Variants in NLGN1 observed in about 807,000 individuals in gnomAD.
The protein encoded by NLGN1 is neuroligin 1, also known as neuroligin-1.
In NLGN1, 12 loss-of-function variants were observed where a neutral mutation model predicts 65.5. That is an observed-to-expected ratio of 0.18 (90% CI 0.12 to 0.30). NLGN1 has a LOEUF of 0.30. NLGN1 is among the 10% of genes least tolerant of loss of function. The pLI is 1.00. For missense variants in NLGN1, 750 were observed against 1,007.1 expected, an observed-to-expected ratio of 0.74 and a Z score of 3.46; for synonymous variants, 350 against 359.5, an observed-to-expected ratio of 0.97 and a Z score of 0.30.
intron 2 of NLGN1, among the ~76,000 whole-genome samples, chr3:173,528,476 T>G (rs1736019840): frequency 6.6e-6 from 1 of 152,232 alleles, no homozygotes; most frequent in Non-Finnish European, 1.5e-5. Context: ...TATCTGAATT[T>G]CTGCATCTCT....
At chr3:174,147,180 C>A (rs1261872693) in intron 4 of NLGN1, among the ~76,000 whole-genome samples, 4 of 151,974 alleles carry the variant, frequency 2.6e-5, no homozygotes. Flanking sequence ...ACAGCTAAGC[C>A]TAGATTACCC....
chr3:174,060,723 G>A (rs780186173), intron 4 of NLGN1, among the ~76,000 whole-genome samples: 19 of 152,016 alleles, frequency 1.2e-4, no homozygotes, highest in African/African-American at 3.6e-4. Flanking sequence ...ATGAGATTTC[G>A]AGGTGCTTTT....
At chr3:173,978,525 T>A (rs2152388094) in intron 4 of NLGN1, among the ~76,000 whole-genome samples, 1 of 152,084 alleles carries the variant, frequency 6.6e-6, no homozygotes, top group Non-Finnish European at 1.5e-5. Context: ...GCTTAGCATC[T>A]GGAATTGAGA....
intron 4 of NLGN1, among the ~76,000 whole-genome samples, chr3:173,862,778 T>C (rs927874761): frequency 1.3e-5 from 2 of 152,128 alleles, no homozygotes; most frequent in Admixed American, 1.3e-4. Context: ...ACCATTGATA[T>C]CCTAGATGAT....
chr3:173,685,691 C>G, intron 3 of NLGN1: 1 of 985,236 alleles, frequency 1.0e-6, no homozygotes, highest in South Asian at 4.7e-5. Flanking sequence ...GGACTCAAAT[C>G]CAGGAAGTTT....
chr3:173,494,041 T>C (rs368805756), intron 2 of NLGN1, among the ~76,000 whole-genome samples: 9 of 151,796 alleles, frequency 5.9e-5, no homozygotes, highest in African/African-American at 9.7e-5. Flanking sequence ...TCTGGTTACT[T>C]GTGGTTTCTT....
chr3:173,440,246 C>T (rs1235573262), intron 2 of NLGN1, among the ~76,000 whole-genome samples: 2 of 151,910 alleles, frequency 1.3e-5, no homozygotes, highest in Non-Finnish European at 2.9e-5. Flanking sequence ...TTTTTTTTAA[C>T]CAAATCTGCA....
chr3:173,434,092 A>G (rs6445109), intron 1 of NLGN1, among the ~76,000 whole-genome samples: 3,371 of 152,278 alleles, frequency 0.022, 109 homozygotes, highest in African/African-American at 0.076. Flanking sequence ...AATCGACTTT[A>G]ATCCAAAATC....
chr3:174,099,191 G>A (rs765123941), intron 4 of NLGN1, among the ~76,000 whole-genome samples: 4 of 152,086 alleles, frequency 2.6e-5, no homozygotes, highest in Non-Finnish European at 4.4e-5. Context: ...CATAGAACCC[G>A]TTTGCATTAT....
chr3:173,584,306 G>A (rs1403127971), intron 2 of NLGN1, among the ~76,000 whole-genome samples: 2 of 148,590 alleles, frequency 1.3e-5, no homozygotes, highest in Non-Finnish European at 3.0e-5. Flanking sequence ...CTGCAATATC[G>A]CCTGGAGCCA....
chr3:173,413,609 AT>A (rs1338415045), intron 1 of NLGN1, among the ~76,000 whole-genome samples: 8 of 122,058 alleles, frequency 6.6e-5, no homozygotes, highest in South Asian at 5.0e-4. Flanking sequence ...CAAAAATAAA[AT>A]TAAAATTAAA....
At chr3:173,570,653 A>C (rs563625102) in intron 2 of NLGN1, among the ~76,000 whole-genome samples, 2 of 152,184 alleles carry the variant, frequency 1.3e-5, no homozygotes, top group Admixed American at 6.5e-5. Context: ...TGCCTCTTTC[A>C]CTTATACTAT....
intron 4 of NLGN1, among the ~76,000 whole-genome samples, chr3:174,179,370 G>T (rs2152744531): frequency 6.6e-6 from 1 of 152,168 alleles, no homozygotes; most frequent in East Asian, 1.9e-4. Context: ...GTGTGTTTGA[G>T]AAAGTGAAGG....
chr3:173,641,105 G>A (rs748076684), intron 3 of NLGN1, among the ~76,000 whole-genome samples: 9 of 152,076 alleles, frequency 5.9e-5, no homozygotes, highest in Non-Finnish European at 8.8e-5. Flanking sequence ...TAATCCTTGA[G>A]TGACTAAATC....
chr3:173,592,946 T>C (rs1748780991), intron 2 of NLGN1, among the ~76,000 whole-genome samples: 1 of 152,146 alleles, frequency 6.6e-6, no homozygotes. Flanking sequence ...CAGTTCACAG[T>C]GATTTCTTTG....
chr3:173,919,995 A>T (rs749609530), intron 4 of NLGN1, among the ~76,000 whole-genome samples: 35 of 152,200 alleles, frequency 2.3e-4, no homozygotes, highest in Non-Finnish European at 4.7e-4. Flanking sequence ...TTTTAAAAAA[A>T]TATTTTAGTC....
intron 4 of NLGN1, among the ~76,000 whole-genome samples, chr3:173,918,133 A>G (rs373162343): frequency 4.6e-5 from 7 of 152,184 alleles, no homozygotes; most frequent in African/African-American, 1.7e-4. Context: ...TTATTTATTA[A>G]TAGAAGTAAT....
intron 4 of NLGN1, among the ~76,000 whole-genome samples, chr3:173,845,869 T>A (rs1444805427): frequency 2.6e-5 from 4 of 152,144 alleles, no homozygotes; most frequent in Non-Finnish European, 1.5e-5. Context: ...TTAATTAAAA[T>A]TTTTTTCGAT....
At chr3:173,731,386 A>G (rs1772816929) in intron 3 of NLGN1, among the ~76,000 whole-genome samples, 1 of 152,076 alleles carries the variant, frequency 6.6e-6, no homozygotes, top group Non-Finnish European at 1.5e-5. Context: ...TTCAATTTCA[A>G]GTTTTTATTT....
Sources: allele counts gnomAD v4.1 joint callset (sites outside exome capture counted in the v4.1 genomes callset), GRCh38; gene constraint gnomAD v4.1.1; transcripts MANE v1.5; gene names NCBI Gene and HGNC (gene_info 2026-07-23, HGNC 2026-07-21).